The following HPSE2 variants were observed in gnomAD, a reference collection of about 807,000 sequenced individuals.
The protein encoded by HPSE2 is inactive heparanase-2.
HPSE2 carries 38 observed loss-of-function variants against 60.5 expected under a neutral mutation model. The ratio of observed to expected loss-of-function variants is 0.63; its 90% CI spans 0.48 to 0.82. HPSE2 has a LOEUF of 0.82. Among genes scored for constraint, HPSE2 ranks in the 40% least tolerant of loss-of-function variants. The pLI is 0.00. For synonymous variants in HPSE2, 295 were observed against 293.2 expected, an observed-to-expected ratio of 1.01 and a Z score of -0.06; for missense variants, 713 against 740.4, an observed-to-expected ratio of 0.96 and a Z score of 0.43.
chr10:98,707,578 C>G (rs1012946453), intron 5 of HPSE2, among the ~76,000 whole-genome samples: 9 of 152,048 alleles, frequency 5.9e-5, no homozygotes, highest in Admixed American at 1.3e-4. Flanking sequence ...ATTTAAAGTA[C>G]TGTTATTGTA....
At chr10:99,239,118 C>T (rs566037283), upstream of HPSE2, among the ~76,000 whole-genome samples, 6 of 152,062 alleles carry the variant, frequency 3.9e-5, no homozygotes, top group South Asian at 1.2e-3. Context: ...AAGATGGAGC[C>T]ATTGCACTCC....
At chr10:98,693,815 G>C in intron 6 of HPSE2, 85 bp downstream of exon 6, 2 of 1,106,590 alleles carry the variant, frequency 1.8e-6, no homozygotes, top group Admixed American at 1.7e-5. Context: ...CTTATTAAAT[G>C]TCAGTTATGA....
At chr10:99,102,815 A>G (rs11528140) in intron 3 of HPSE2, among the ~76,000 whole-genome samples, 71,402 of 152,048 alleles carry the variant, frequency 0.47, 19,317 homozygotes, top group Non-Finnish European at 0.61. Context: ...CTGGGATACA[A>G]GGCTGGTTCA....
intron 8 of HPSE2, among the ~76,000 whole-genome samples, chr10:98,615,297 A>C (rs1302424269): frequency 6.6e-6 from 1 of 152,208 alleles, no homozygotes; most frequent in African/African-American, 2.4e-5. Context: ...TGAATGACTT[A>C]ACTTTTTATT....
chr10:98,588,813 C>T (rs1945008347), intron 9 of HPSE2, among the ~76,000 whole-genome samples: 2 of 151,950 alleles, frequency 1.3e-5, no homozygotes, highest in African/African-American at 2.4e-5. Context: ...GCCACAAGGC[C>T]CCTGCCCAGT....
chr10:99,273,056 G>A, the HPSE2 span, among the ~76,000 whole-genome samples: 3 of 152,148 alleles, frequency 2.0e-5, no homozygotes, highest in African/African-American at 4.8e-5. Context: ...AGAAATTGTG[G>A]TATATATCTA....
At chr10:98,710,958 T>G (rs1265239731) in intron 5 of HPSE2, among the ~76,000 whole-genome samples, 1 of 152,024 alleles carries the variant, frequency 6.6e-6, no homozygotes, top group Admixed American at 6.6e-5. Context: ...AGTGAAGGGT[T>G]GAGAGATGGG....
chr10:99,278,463 T>G, the HPSE2 span, among the ~76,000 whole-genome samples: 2 of 152,170 alleles, frequency 1.3e-5, no homozygotes, highest in African/African-American at 4.8e-5. Context: ...CTGCTGGAAC[T>G]CCAGTCATCA....
rs202127938 is a variant in HPSE2, at chr10:98,459,697, G to A, written c.1656C>T (p.Asp552=). 3.5e-5 allele frequency: 57 copies of A among 1,613,990 alleles called. No homozygotes were observed. Among genetic ancestry groups the A allele is most frequent in the African/African-American group, 3.5e-4 (26 of 75,048 alleles). The stretch of plus-strand genomic sequence containing the variant: ...GGGGCTTCAATTCTGGGAGGGTCCC[G>A]TCGTCCACCATCACTAAGGGCTGGC... ...LNGQPLVMVD[D]GTLPELKPRP... The change falls in exon 12 of 12, where the codon GAC becomes GAT. Residue 552 remains aspartate (D), a synonymous_variant. Transcript: ENST00000370552.
the HPSE2 span, among the ~76,000 whole-genome samples, chr10:99,296,889 T>C: frequency 6.6e-6 from 1 of 151,922 alleles, no homozygotes. Context: ...AGGAAAGTAA[T>C]CATCTGGACA....
chr10:99,050,037 G>A (rs1399488530), intron 3 of HPSE2, among the ~76,000 whole-genome samples: 1 of 152,176 alleles, frequency 6.6e-6, no homozygotes. Context: ...AGTGGCTGAG[G>A]CCTATAATTC....
chr10:98,833,576 A>G (rs1951729278), intron 3 of HPSE2, among the ~76,000 whole-genome samples: 1 of 152,174 alleles, frequency 6.6e-6, no homozygotes, highest in African/African-American at 2.4e-5. Flanking sequence ...ACTTAACATA[A>G]TCCTATAAAG....
At chr10:98,983,318 T>C (rs1162482091) in intron 3 of HPSE2, among the ~76,000 whole-genome samples, 1 of 152,174 alleles carries the variant, frequency 6.6e-6, no homozygotes, top group Non-Finnish European at 1.5e-5. Flanking sequence ...TGGGAGACAG[T>C]GAAACCAGAA....
chr10:98,728,729 T>C (rs1216112852), intron 4 of HPSE2, among the ~76,000 whole-genome samples: 2 of 151,856 alleles, frequency 1.3e-5, no homozygotes, highest in Admixed American at 1.3e-4. Flanking sequence ...CAAAACAGGG[T>C]GGGTGTGGTG....
chr10:98,921,191 T>C (rs542863912), intron 3 of HPSE2, among the ~76,000 whole-genome samples: 1 of 152,298 alleles, frequency 6.6e-6, no homozygotes, highest in Non-Finnish European at 1.5e-5. Flanking sequence ...TAGGACTAAA[T>C]GGGCCAAGGC....
At chr10:99,000,746 AG>A (rs1306930048) in intron 3 of HPSE2, among the ~76,000 whole-genome samples, 1 of 152,126 alleles carries the variant, frequency 6.6e-6, no homozygotes, top group Non-Finnish European at 1.5e-5. Context: ...TGGCAGTAGA[AG>A]ACAAAAAAGG....
intron 3 of HPSE2, among the ~76,000 whole-genome samples, chr10:99,020,439 C>A (rs947935258): frequency 2.6e-5 from 4 of 152,148 alleles, no homozygotes; most frequent in African/African-American, 9.7e-5. Flanking sequence ...GGCTCCCAGC[C>A]CAGTTCTCTT....
intron 3 of HPSE2, among the ~76,000 whole-genome samples, chr10:98,770,657 T>TC (rs1950221295): frequency 6.6e-6 from 1 of 151,738 alleles, no homozygotes; most frequent in African/African-American, 2.4e-5. Context: ...TCGCCTCCCC[T>TC]TCCCCCAACC....
At chr10:99,305,764 A>G in the HPSE2 span, among the ~76,000 whole-genome samples, 1 of 152,110 alleles carries the variant, frequency 6.6e-6, no homozygotes. Flanking sequence ...AAAGGAAAAG[A>G]CAGACAGTAG....
Sources: gnomAD v4.1 joint callset for allele counts (sites outside exome capture counted in the v4.1 genomes callset) on GRCh38, gnomAD v4.1.1 for gene constraint, MANE v1.5 for transcripts, NCBI Gene and HGNC (gene_info 2026-07-23, HGNC 2026-07-21) for gene names.